ATP1A3: variants seen among roughly 807,000 people sequenced by gnomAD.
ATP1A3 encodes the protein sodium/potassium-transporting ATPase subunit alpha-3.
A neutral mutation model predicts 108.8 loss-of-function variants in ATP1A3; 12 were observed. The ratio of observed to expected loss-of-function variants is 0.11; its 90% CI spans 0.07 to 0.18. The LOEUF (loss-of-function observed/expected upper bound fraction) is 0.18, where lower values mean the gene tolerates loss of function less well. ATP1A3 is among the 10% of genes least tolerant of loss of function. ATP1A3 has a pLI of 1.00. For synonymous variants in ATP1A3, 539 were observed against 564.5 expected (o/e 0.95, Z 0.64); for missense variants, 498 against 1,387.7 (o/e 0.36, Z 10.19).
Position 41,970,433 on chromosome 19 carries a change from G to A in ATP1A3, c.2373C>T (p.Pro791=). 3 of 1,614,140 alleles carry A rather than the reference G, an allele frequency of 1.9e-6. No homozygotes were observed. Among genetic ancestry groups the A allele is most frequent in the Non-Finnish European group, 2.5e-6 (3 of 1,180,014 alleles). Residue 791 remains proline (P), a synonymous_variant, in exon 17 of 23, where the codon CCC becomes CCT. Coordinates refer to ENST00000648268, the MANE Select transcript of ATP1A3 (RefSeq NM_152296.5). ...TGCAGAGGATGGTGATGGTGCCCAG[G>A]GGCAGCGGGATGTTGGCCATGATGA... The part of the protein sequence containing the change: ...LLFIMANIPL[P]LGTITILCID...
At chr19:41,983,915 C>T (rs2075261066) in intron 8 of ATP1A3, among the ~76,000 whole-genome samples, 1 of 151,410 alleles carries the variant, frequency 6.6e-6, no homozygotes, top group African/African-American at 2.4e-5. Flanking sequence ...GCTGGGATTC[C>T]AGGCACCCAT....
chr19:41,983,036 T>G (rs1002009582), intron 8 of ATP1A3, among the ~76,000 whole-genome samples: 3 of 152,192 alleles, frequency 2.0e-5, no homozygotes, highest in African/African-American at 7.2e-5. Context: ...AAAAATCCAT[T>G]TGACATAGGG....
At position 41,985,735 on chromosome 19, in the gene ATP1A3, G is replaced by A. The variant is rs2145979391; in HGVS notation, c.606+129C>T. ...GGGTCTGAGGGAGGAGGGCCTGGGG[G>A]CCTGGACTCCTGGGTCTGAGGGAGG... is the stretch of plus-strand genomic sequence containing the variant. On this transcript the variant is annotated intron_variant, in intron 6 of 22. Transcript: ENST00000648268. This position sits in a 1 kb window ranked among gnomAD's most constrained non-coding sequence, Gnocchi z 8.2. 2 of 1,391,676 alleles carry A rather than the reference G, an allele frequency of 1.4e-6. No individual in the cohort carries two copies. Among genetic ancestry groups the A allele is most frequent in the East Asian group, 2.4e-5 (1 of 42,138 alleles). 86.2% of individuals were successfully genotyped at this position (1,391,676 alleles called of 1,614,324 possible).
In ATP1A3 at chr19:41,984,966, G is replaced by A. The variant is rs782718686; in HGVS notation, c.945C>T (p.Ile315=). The A allele has an allele frequency of 7.4e-6, 12 of 1,613,876 alleles. No individual in the cohort carries two copies. Among genetic ancestry groups the A allele is most frequent in the East Asian group, 2.2e-5 (1 of 44,890 alleles). ...YTWLEAVIFL[I]GIIVANVPEG... ...CTGGGACATTGGCCACGATGATGCC[G>A]ATGAGGAAGATGACAGCCTCAAGCC... The change falls in exon 8 of 23, where the codon ATC becomes ATT. Residue 315 remains isoleucine (I), a synonymous_variant. Coordinates refer to ENST00000648268, the MANE Select transcript of ATP1A3 (RefSeq NM_152296.5).
At chr19:41,991,363 G>C (rs1278206750) in intron 1 of ATP1A3, among the ~76,000 whole-genome samples, 1 of 152,144 alleles carries the variant, frequency 6.6e-6, no homozygotes, top group Non-Finnish European at 1.5e-5. Flanking sequence ...TGCAGGGGGT[G>C]GGAGGGAGGC....
chr19:41,974,757 T>A (rs1379146069), intron 16 of ATP1A3, among the ~76,000 whole-genome samples: 4 of 152,250 alleles, frequency 2.6e-5, no homozygotes, highest in Non-Finnish European at 5.9e-5. Flanking sequence ...AATTTGATGA[T>A]CAAAATAAAT....
At position 41,994,096 on chromosome 19, in the gene ATP1A3, G is replaced by A; in HGVS notation, c.-20C>T. The stretch of plus-strand genomic sequence containing the variant: ...CCCCATCTTGGCGGCTCCGCGGCGA[G>A]AGAGCCAGGCGGGCGGGGCGGGGAC... On this transcript the variant is annotated 5_prime_UTR_variant, in exon 1 of 23. Transcript: ENST00000648268. 4 of 1,590,552 alleles carry A rather than the reference G, an allele frequency of 2.5e-6. No individual in the cohort carries two copies. Among genetic ancestry groups the A allele is most frequent in the Non-Finnish European group, 3.4e-6 (4 of 1,172,106 alleles).
At chr19:41,993,820 G>C in intron 1 of ATP1A3, 1 of 669,774 alleles carries the variant, frequency 1.5e-6, no homozygotes, top group African/African-American at 1.8e-5. Flanking sequence ...AGGTCAGGCG[G>C]AGATGCTGAG....
Position 41,967,285 on chromosome 19 carries a change from C to T in ATP1A3, c.2977G>A (p.Glu993Lys). ...CTGCGCAGGATGAGTTTGCGGATTT[C>T]GTCGTAGACGAAGATGAGGAAACTG... ...PYSFLIFVYD[E>K]IRKLILRRNP... is the part of the protein sequence containing the mutation. Residue 993 changes from glutamate to lysine, a missense_variant, in exon 22 of 23, where the codon GAA (glutamate) becomes AAA (lysine). This residue lies in a region of ATP1A3 where 29 missense variants were observed against 41.0 expected (regional missense o/e 0.71). Transcript: ENST00000648268. The surrounding 1 kb of genome is among the most constrained non-coding windows in gnomAD (Gnocchi z 4.2). 6.2e-7 allele frequency: 1 copy of T among 1,613,586 alleles called. No homozygotes were observed. Among genetic ancestry groups the T allele is most frequent in the Non-Finnish European group, 8.5e-7 (1 of 1,180,010 alleles).
Position 41,981,460 on chromosome 19 carries a change from A to G in ATP1A3, c.1437+42T>C, listed in dbSNP as rs782017164. The stretch of plus-strand genomic sequence containing the variant: ...ACACCTCTTTACAGGCGTCATAAGG[A>G]ACCTGAGGTCCAGGCTGGCTCTCCC... On this transcript the variant is annotated intron_variant, in intron 11 of 22. Coordinates refer to ENST00000648268, the MANE Select transcript of ATP1A3 (RefSeq NM_152296.5). The surrounding 1 kb of genome is among the most constrained non-coding windows in gnomAD (Gnocchi z 5.0). 1.9e-6 allele frequency: 3 copies of G among 1,614,120 alleles called. No homozygotes were observed. In the Admixed American group the frequency reaches 5.0e-5, roughly 27 times the overall value.
rs1419971439 is a variant in ATP1A3, at chr19:41,981,714, G to A, written c.1302+8C>T. On this transcript the variant is annotated splice_region_variant and intron_variant, in intron 10 of 22. Transcript: ENST00000648268. The surrounding 1 kb of genome is among the most constrained non-coding windows in gnomAD (Gnocchi z 5.0). ...CAGGGCCGAGGTGAGGCCAGTAGCTGAACCCACCTTGAGCACAGGGATGTT... is the reference window on the plus strand; with the variant it reads ...CAGGGCCGAGGTGAGGCCAGTAGCTAAACCCACCTTGAGCACAGGGATGTT... 1.2e-6 allele frequency: 2 copies of A among 1,614,086 alleles called. No individual in the cohort carries two copies. Among genetic ancestry groups the A allele is most frequent in the Non-Finnish European group, 8.5e-7 (1 of 1,180,038 alleles).
chr19:41,992,117 G>A (rs546080937), intron 1 of ATP1A3, among the ~76,000 whole-genome samples: 4 of 149,686 alleles, frequency 2.7e-5, no homozygotes, highest in African/African-American at 7.5e-5. Context: ...GAGGGAAGAG[G>A]GGCTGGGGCC....
At chr19:41,979,586 C>T (rs557450466) in intron 11 of ATP1A3, among the ~76,000 whole-genome samples, 6 of 152,090 alleles carry the variant, frequency 3.9e-5, no homozygotes, top group African/African-American at 7.2e-5. Flanking sequence ...GGATTACAGG[C>T]GTGAGCCACC....
chr19:41,970,779 C>T (rs1188556548), intron 16 of ATP1A3, among the ~76,000 whole-genome samples: 2 of 151,766 alleles, frequency 1.3e-5, no homozygotes, highest in South Asian at 4.2e-4. Context: ...CTACAGGCAC[C>T]TGCCACCACG....
chr19:41,977,649 A>C (rs928421669), intron 14 of ATP1A3, among the ~76,000 whole-genome samples: 1 of 152,226 alleles, frequency 6.6e-6, no homozygotes, highest in African/African-American at 2.4e-5. Context: ...CAGTGAGCTG[A>C]GGTTGCCCCA....
At position 41,966,644 on chromosome 19, in the gene ATP1A3, G is replaced by T; in HGVS notation, c.*293C>A. On this transcript the variant is annotated 3_prime_UTR_variant, in exon 23 of 23. Coordinates refer to ENST00000648268, the MANE Select transcript of ATP1A3 (RefSeq NM_152296.5). ...AACCAGAGATGGCATCAGCCGGGGGGCTGAAGGGGAGTAAAAAAGAGCCCA... is the reference window on the plus strand; with the variant it reads ...AACCAGAGATGGCATCAGCCGGGGGTCTGAAGGGGAGTAAAAAAGAGCCCA... 1 of 1,507,304 alleles carries T rather than the reference G, an allele frequency of 6.6e-7. No individual in the cohort carries two copies. The highest frequency in any genetic ancestry group is 8.9e-7 in the Non-Finnish European group (1 of 1,119,394). 93.4% of individuals were successfully genotyped at this position (1,507,304 alleles called of 1,614,324 possible).
chr19:41,978,259 C>T lies in ATP1A3; in HGVS notation c.1698G>A (p.Val566=), dbSNP rs2075193265. Residue 566 remains valine, a synonymous_variant, in exon 13 of 23, where the codon GTG becomes GTA. Transcript: ENST00000648268. This position sits in a 1 kb window ranked among gnomAD's most constrained non-coding sequence, Gnocchi z 8.3. The part of the protein sequence containing the change: ...PKGFAFDCDD[V]NFTTDNLCFV... ...AGCAGAGGTTGTCCGTGGTGAAGTT[C>T]ACGTCATCACAGTCGAAGGCAAAGC... The T allele has an allele frequency of 6.2e-7, 1 of 1,613,602 alleles. No homozygotes were observed. The highest frequency in any genetic ancestry group is 1.3e-5 in the African/African-American group (1 of 74,924).
At chr19:41,976,658 C>A in intron 14 of ATP1A3, 92 bp from the exon 15 acceptor site, 1 of 1,568,268 alleles carries the variant, frequency 6.4e-7, no homozygotes. Flanking sequence ...AGGGGCCAGC[C>A]CCACAACCAG....
In ATP1A3 at chr19:41,988,107, C is replaced by G. The variant is rs2075303263; in HGVS notation, c.186G>C (p.Leu62=). 6.2e-7 allele frequency: 1 copy of G among 1,614,148 alleles called. No individual in the cohort carries two copies. Residue 62 remains leucine (L), a synonymous_variant, in exon 4 of 23, where the codon CTG becomes CTC. Coordinates refer to ENST00000648268, the MANE Select transcript of ATP1A3 (RefSeq NM_152296.5). The surrounding 1 kb of genome is among the most constrained non-coding windows in gnomAD (Gnocchi z 5.3). ...GLTHSKAQEI[L]ARDGPNALTP... ...TGAGTGCGTTAGGCCCATCCCGGGC[C>G]AGGATCTCCTGGGCTTTGCTGTGGG...
Sources: gnomAD v4.1 joint callset for allele counts (sites outside exome capture counted in the v4.1 genomes callset) on GRCh38, gnomAD v4.1.1 for gene constraint, gnomAD v4.1.1 regional missense constraint, Gnocchi (gnomAD v3.1) non-coding constraint, MANE v1.5 for transcripts, NCBI Gene and HGNC (gene_info 2026-07-23, HGNC 2026-07-21) for gene names.